EDEM3: variants seen among roughly 807,000 people sequenced by gnomAD.
EDEM3 encodes the protein ER degradation enhancing alpha-mannosidase like protein 3.
A neutral mutation model predicts 110.2 loss-of-function variants in EDEM3; 60 were observed. The observed-to-expected ratio is 0.54, with a 90% CI of 0.44 to 0.67. The LOEUF (loss-of-function observed/expected upper bound fraction) is 0.67. EDEM3 is among the 30% of genes least tolerant of loss of function. The pLI, the probability that EDEM3 is intolerant of heterozygous loss-of-function variation, is 0.00. For synonymous variants in EDEM3, 352 were observed against 382.9 expected (o/e 0.92, Z 0.94); for missense variants, 996 against 1,121.0 (o/e 0.89, Z 1.59).
chr1:184,747,789 A>G (rs1652515401), intron 2 of EDEM3, among the ~76,000 whole-genome samples: 1 of 152,238 alleles, frequency 6.6e-6, no homozygotes, highest in African/African-American at 2.4e-5. Context: ...CACTGTCACA[A>G]ACCTACTAAG....
intron 18 of EDEM3, among the ~76,000 whole-genome samples, chr1:184,704,597 C>G (rs59347366): frequency 0.083 from 10,291 of 124,506 alleles, 441 homozygotes; most frequent in Middle Eastern, 0.16. Flanking sequence ...TTGTAGTGAG[C>G]CAAGATCATG....
intron 13 of EDEM3, among the ~76,000 whole-genome samples, chr1:184,714,425 C>A (rs1389317381): frequency 2.0e-5 from 3 of 152,128 alleles, no homozygotes; most frequent in Admixed American, 1.3e-4. Context: ...CATTTACATT[C>A]TTTTCAGTAA....
chr1:184,741,039 A>C lies in EDEM3; in HGVS notation c.205-3328T>G, dbSNP rs1404582520. Among the ~76,000 whole-genome samples, 3 of 152,334 alleles carry C rather than the reference A, an allele frequency of 2.0e-5. No homozygotes were observed. In the East Asian group the frequency reaches 5.8e-4, roughly 29 times the overall value. On this transcript the variant is annotated intron_variant, in intron 2 of 19. Coordinates refer to ENST00000318130, the MANE Select transcript of EDEM3 (RefSeq NM_025191.4). ...ATGCCTCCTCTGTAACTGAAGTTAT[A>C]CAATGAGAAGGCAGCAAAGAAAGCA... is the stretch of plus-strand genomic sequence containing the variant.
In EDEM3 at chr1:184,694,146, T is replaced by G; in HGVS notation, c.2716A>C (p.Lys906Gln). 1 of 1,613,458 alleles carries G rather than the reference T, an allele frequency of 6.2e-7. No homozygotes were observed. Among genetic ancestry groups the G allele is most frequent in the Non-Finnish European group, 8.5e-7 (1 of 1,179,632 alleles). The change falls in exon 20 of 20, where the codon AAG becomes CAG. Residue 906 changes from lysine (K) to glutamine (Q), a missense_variant. Coordinates refer to ENST00000318130, the MANE Select transcript of EDEM3 (RefSeq NM_025191.4). ...AATATGGAGTCTATAGGCTGGACCTTTTTACCCCAGCTAACATTAGGATTG... is the reference window on the plus strand; with the variant it reads ...AATATGGAGTCTATAGGCTGGACCTGTTTACCCCAGCTAACATTAGGATTG... ...DSNPNVSWGK[K>Q]VQPIDSILAD...
chr1:184,754,388 C>G, intron 1 of EDEM3, 101 bp downstream of exon 1: 1 of 1,542,222 alleles, frequency 6.5e-7, no homozygotes, highest in Non-Finnish European at 8.8e-7. Context: ...CCGTTCCAAT[C>G]GCGACAGGAG....
intron 19 of EDEM3, among the ~76,000 whole-genome samples, chr1:184,698,960 A>C (rs1450137870): frequency 6.6e-6 from 1 of 151,878 alleles, no homozygotes. Context: ...AGTCTGCCAC[A>C]TTGCTACAAA....
At chr1:184,729,428 C>T (rs980263175) in intron 6 of EDEM3, among the ~76,000 whole-genome samples, 12 of 152,052 alleles carry the variant, frequency 7.9e-5, no homozygotes, top group African/African-American at 1.7e-4. Context: ...ATCTACTCAA[C>T]GTTTGTAATG....
At position 184,725,803 on chromosome 1, in the gene EDEM3, G is replaced by A. The variant is rs186415562; in HGVS notation, c.747+452C>T. Among the ~76,000 whole-genome samples the A allele has an allele frequency of 2.6e-5, 4 of 151,990 alleles. No individual in the cohort carries two copies. The East Asian group carries it at 5.8e-4, about 22-fold the overall frequency. ...TTGGATAATGAATAACATTTCCCTT[G>A]CAGTAAACAAATTTACAGATTACAG... On this transcript the variant is annotated intron_variant, in intron 7 of 19. Coordinates refer to ENST00000318130, the MANE Select transcript of EDEM3 (RefSeq NM_025191.4).
At chr1:184,747,910 T>A (rs1453111299) in intron 2 of EDEM3, among the ~76,000 whole-genome samples, 3 of 152,216 alleles carry the variant, frequency 2.0e-5, no homozygotes, top group African/African-American at 7.2e-5. Flanking sequence ...AAAGAGATGA[T>A]CCTATTCATT....
At chr1:184,694,498 T>G (rs980060780) in intron 19 of EDEM3, 26 bp from the exon 20 acceptor site, 1 of 1,526,458 alleles carries the variant, frequency 6.6e-7, no homozygotes, top group South Asian at 1.2e-5. Flanking sequence ...ACAAACCTCA[T>G]GCTACTTCTC....
chr1:184,710,642 G>A, intron 15 of EDEM3, 95 bp from the exon 16 acceptor site: 1 of 1,420,926 alleles, frequency 7.0e-7, no homozygotes, highest in Non-Finnish European at 9.4e-7. Context: ...TTGCAAAATT[G>A]CTAGTTTTAG....
At chr1:184,742,736 C>T (rs1652214475) in intron 2 of EDEM3, among the ~76,000 whole-genome samples, 2 of 152,172 alleles carry the variant, frequency 1.3e-5, no homozygotes, top group African/African-American at 4.8e-5. Flanking sequence ...TTCCTGACTA[C>T]TCTTTTATGT....
At chr1:184,736,962 A>G (rs1571407833) in intron 4 of EDEM3, 63 bp downstream of exon 4, 1 of 1,286,722 alleles carries the variant, frequency 7.8e-7, no homozygotes, top group East Asian at 2.3e-5. Flanking sequence ...TGTTATGATC[A>G]TATTCATAAT....
At chr1:184,726,228 G>A in intron 7 of EDEM3, 27 bp downstream of exon 7, 1 of 1,610,246 alleles carries the variant, frequency 6.2e-7, no homozygotes, top group East Asian at 2.2e-5. Flanking sequence ...CCAATACCCA[G>A]GATATCAAAG....
chr1:184,734,267 G>A (rs542758998), intron 5 of EDEM3, among the ~76,000 whole-genome samples: 17 of 152,186 alleles, frequency 1.1e-4, no homozygotes, highest in African/African-American at 2.4e-4. Context: ...TCAGGCATTC[G>A]GGACCAGCCT....
At chr1:184,715,198 T>C (rs969711644) in intron 13 of EDEM3, among the ~76,000 whole-genome samples, 4 of 152,136 alleles carry the variant, frequency 2.6e-5, no homozygotes, top group East Asian at 1.9e-4. Flanking sequence ...AGAGTTATTA[T>C]ATATACTGGA....
At chr1:184,725,329 A>G (rs1345321803) in intron 7 of EDEM3, among the ~76,000 whole-genome samples, 1 of 152,176 alleles carries the variant, frequency 6.6e-6, no homozygotes, top group Admixed American at 6.6e-5. Context: ...ATACTCTTTG[A>G]GCCTTATTTT....
intron 15 of EDEM3, 150 bp from the exon 16 acceptor site, chr1:184,710,697 AT>A: frequency 1.0e-6 from 1 of 960,466 alleles, no homozygotes; most frequent in Non-Finnish European, 1.5e-6. Flanking sequence ...CTTACATATA[AT>A]TTAGGTTAAC....
Position 184,708,178 on chromosome 1 carries a change from C to A in EDEM3, c.2012G>T (p.Gly671Val). ...CTCTTTATGTTTAGACAGATCCAGC[C>A]CAAACTGAGCTGGTCCAGCAGTCAA... ...VVLTAGPAQFGLDLSKHKETR... is the reference protein window; with the variant it reads ...VVLTAGPAQFVLDLSKHKETR... The change falls in exon 17 of 20, where the codon GGG becomes GTG. Residue 671 changes from glycine (G) to valine (V), a missense_variant. This residue lies in a region of EDEM3 where 345 missense variants were observed against 402.0 expected (regional missense o/e 0.86). Coordinates refer to ENST00000318130, the MANE Select transcript of EDEM3 (RefSeq NM_025191.4). The A allele has an allele frequency of 6.2e-7, 1 of 1,613,208 alleles. No homozygotes were observed. The highest frequency in any genetic ancestry group is 1.1e-5 in the South Asian group (1 of 91,002).
Sources: gnomAD v4.1 joint callset for allele counts (sites outside exome capture counted in the v4.1 genomes callset) on GRCh38, gnomAD v4.1.1 for gene constraint, gnomAD v4.1.1 regional missense constraint, MANE v1.5 for transcripts, NCBI Gene and HGNC (gene_info 2026-07-23, HGNC 2026-07-21) for gene names.